CTTNBP2NL: variants seen among roughly 807,000 people sequenced by gnomAD.
The protein encoded by CTTNBP2NL is CTTNBP2 N-terminal like.
CTTNBP2NL carries 16 observed loss-of-function variants against 32.5 expected under a neutral mutation model. The ratio of observed to expected loss-of-function variants is 0.49; its 90% confidence interval spans 0.33 to 0.75. The LOEUF (loss-of-function observed/expected upper bound fraction) is 0.75. Among genes scored for constraint, CTTNBP2NL ranks in the 30% least tolerant of loss-of-function variants. The pLI is 0.02. For synonymous variants in CTTNBP2NL, 298 were observed against 289.4 expected (o/e 1.03, Z -0.30); for missense variants, 645 against 756.0 (o/e 0.85, Z 1.72).
chr1:112,448,000 C>A (rs919676334), intron 3 of CTTNBP2NL, among the ~76,000 whole-genome samples: 1 of 152,178 alleles, frequency 6.6e-6, no homozygotes, highest in Non-Finnish European at 1.5e-5. Context: ...ATGTGGAGTT[C>A]TTCAAGCTCT....
chr1:112,397,987 A>T (rs968833071), intron 1 of CTTNBP2NL, among the ~76,000 whole-genome samples: 1 of 152,234 alleles, frequency 6.6e-6, no homozygotes, highest in African/African-American at 2.4e-5. Flanking sequence ...ATCTCCAGTA[A>T]GAAAGTACAA....
intron 3 of CTTNBP2NL, among the ~76,000 whole-genome samples, chr1:112,426,687 A>T (rs748454709): frequency 9.3e-5 from 13 of 140,024 alleles, no homozygotes; most frequent in Non-Finnish European, 1.6e-4. Flanking sequence ...GCTCACTGCT[A>T]CCTCTGCCTC....
chr1:112,423,395 G>A (rs1002356122), intron 3 of CTTNBP2NL, among the ~76,000 whole-genome samples: 1 of 152,026 alleles, frequency 6.6e-6, no homozygotes, highest in African/African-American at 2.4e-5. Context: ...AAGTATGTAA[G>A]ATCATACATA....
intron 2 of CTTNBP2NL, 78 bp from the exon 3 acceptor site, chr1:112,416,079 C>T (rs920333891): frequency 2.6e-6 from 2 of 775,796 alleles, no homozygotes; most frequent in African/African-American, 1.8e-5. Context: ...TTGCTCTTAT[C>T]TCTCACTTTA....
chr1:112,454,176 C>G (rs891168728), intron 4 of CTTNBP2NL, among the ~76,000 whole-genome samples: 16 of 152,194 alleles, frequency 1.1e-4, no homozygotes, highest in African/African-American at 3.9e-4. Flanking sequence ...TCCTCAACCC[C>G]TCTAGCTAAT....
At chr1:112,454,206 G>A (rs1187811012) in intron 4 of CTTNBP2NL, among the ~76,000 whole-genome samples, 1 of 152,142 alleles carries the variant, frequency 6.6e-6, no homozygotes, top group African/African-American at 2.4e-5. Flanking sequence ...TCTTCTCTCT[G>A]TTTGCATATC....
intron 3 of CTTNBP2NL, among the ~76,000 whole-genome samples, chr1:112,435,622 A>G (rs1238989115): frequency 6.6e-6 from 1 of 152,232 alleles, no homozygotes; most frequent in East Asian, 1.9e-4. Context: ...CGTACTAAGA[A>G]GGAACAATTT....
At chr1:112,425,220 C>T (rs958060690) in intron 3 of CTTNBP2NL, among the ~76,000 whole-genome samples, 6 of 152,076 alleles carry the variant, frequency 3.9e-5, no homozygotes, top group Non-Finnish European at 5.9e-5. Context: ...CCTGTAATCC[C>T]AGCACTTTGG....
intron 3 of CTTNBP2NL, among the ~76,000 whole-genome samples, chr1:112,448,641 C>T (rs900752421): frequency 6.6e-6 from 1 of 152,128 alleles, no homozygotes; most frequent in African/African-American, 2.4e-5. Context: ...GAATAGTTTT[C>T]TCATCAGCAA....
At position 112,401,071 on chromosome 1, in the gene CTTNBP2NL, A is replaced by C. The variant is rs182158888; in HGVS notation, c.-134+4799A>C. Among the ~76,000 whole-genome samples, 488 of 152,256 alleles carry C rather than the reference A, an allele frequency of 3.2e-3. 4 individuals are homozygous for C. The highest frequency in any genetic ancestry group is 0.017 in the Middle Eastern group (5 of 292). On this transcript the variant is annotated intron_variant, in intron 1 of 5. Transcript: ENST00000271277. ...GGATATAAGAAGCACTTAGTAATTG[A>C]CAGGTATTATTATTAGCACTTGGCA...
rs563091571 is a variant in CTTNBP2NL at position 112,452,514 on chromosome 1, T to C, written c.331-1935T>C. ...CATGTGCCACCATGCCTGGCTAATT[T>C]TGTATTTTTAGTAGAGACAGGGTTT... On this transcript the variant is annotated intron_variant, in intron 4 of 5. Coordinates refer to ENST00000271277, the MANE Select transcript of CTTNBP2NL (RefSeq NM_018704.3). Among the ~76,000 whole-genome samples, 94 of 151,188 alleles carry C rather than the reference T, an allele frequency of 6.2e-4. 1 individual carries two copies. Among genetic ancestry groups the C allele is most frequent in the African/African-American group, 2.2e-3 (90 of 40,888 alleles).
At chr1:112,407,691 T>G (rs1394216474) in intron 1 of CTTNBP2NL, among the ~76,000 whole-genome samples, 1 of 152,196 alleles carries the variant, frequency 6.6e-6, no homozygotes, top group African/African-American at 2.4e-5. Flanking sequence ...ATCCAAATAT[T>G]CCAGTAATAT....
At chr1:112,403,897 T>C (rs1350838965) in intron 1 of CTTNBP2NL, among the ~76,000 whole-genome samples, 1 of 152,190 alleles carries the variant, frequency 6.6e-6, no homozygotes, top group African/African-American at 2.4e-5. Context: ...GTTTGTAAAT[T>C]AGACACGTGA....
chr1:112,397,701 C>T (rs1648371656), intron 1 of CTTNBP2NL, among the ~76,000 whole-genome samples: 1 of 152,108 alleles, frequency 6.6e-6, no homozygotes, highest in Admixed American at 6.6e-5. Flanking sequence ...CTATTGCTAG[C>T]GCTTTTATAT....
At chr1:112,434,148 C>T (rs1649658141) in intron 3 of CTTNBP2NL, among the ~76,000 whole-genome samples, 1 of 152,170 alleles carries the variant, frequency 6.6e-6, no homozygotes, top group Non-Finnish European at 1.5e-5. Context: ...AACCTATTTA[C>T]TCTCTTCCTC....
At chr1:112,436,755 C>T (rs965798172) in intron 3 of CTTNBP2NL, among the ~76,000 whole-genome samples, 1 of 151,958 alleles carries the variant, frequency 6.6e-6, no homozygotes, top group East Asian at 1.9e-4. Context: ...CAGATTATTT[C>T]ATCACCCCTA....
At chr1:112,413,161 A>G (rs1648934349) in intron 2 of CTTNBP2NL, among the ~76,000 whole-genome samples, 1 of 152,212 alleles carries the variant, frequency 6.6e-6, no homozygotes, top group Admixed American at 6.5e-5. Context: ...CATTTTACAT[A>G]TCGAACACTT....
chr1:112,456,052 A>G lies in CTTNBP2NL; in HGVS notation c.560A>G (p.Lys187Arg), dbSNP rs755780082. Reference protein sequence around the residue: ...QLSSMLVLECKKATNKAAEEG... With the variant: ...QLSSMLVLECRKATNKAAEEG... ...TCATCCATGCTAGTGCTTGAGTGCA[A>G]GAAAGCCACCAACAAGGCAGCCGAG... The change falls in exon 6 of 6, where the codon AAG becomes AGG. Residue 187 changes from lysine (K) to arginine (R), a missense_variant. By Grantham distance (26) the Lys-to-Arg change is conservative. Transcript: ENST00000271277. The G allele has an allele frequency of 1.9e-6, 3 of 1,614,086 alleles. No homozygotes were observed. The highest frequency in any genetic ancestry group is 2.7e-5 in the African/African-American group (2 of 74,918).
At chr1:112,445,813 G>T (rs557945275) in intron 3 of CTTNBP2NL, among the ~76,000 whole-genome samples, 4 of 152,194 alleles carry the variant, frequency 2.6e-5, no homozygotes, top group Non-Finnish European at 4.4e-5. Context: ...TAATCACAGT[G>T]TGGGTTTTAA....
Sources: allele counts gnomAD v4.1 joint callset (sites outside exome capture counted in the v4.1 genomes callset), GRCh38; gene constraint gnomAD v4.1.1; transcripts MANE v1.5; gene names NCBI Gene and HGNC (gene_info 2026-07-23, HGNC 2026-07-21).